The following PPP3CC variants were observed in gnomAD, a reference collection of about 807,000 sequenced individuals.
PPP3CC encodes the protein serine/threonine-protein phosphatase 2B catalytic subunit gamma isoform.
In PPP3CC, 35 loss-of-function variants were observed where a neutral mutation model predicts 60.3. The observed-to-expected ratio is 0.58, with a 90% CI of 0.44 to 0.77. PPP3CC has a LOEUF of 0.77. Ranked by LOEUF, PPP3CC falls within the 30% of genes least tolerant of loss-of-function variation. The pLI, the probability that PPP3CC is intolerant of heterozygous loss-of-function variation, is 0.00. For synonymous variants in PPP3CC, 206 were observed against 224.3 expected (o/e 0.92, Z 0.73); for missense variants, 570 against 628.9 (o/e 0.91, Z 1.00).
At chr8:22,466,771 T>C (rs955483691) in intron 1 of PPP3CC, among the ~76,000 whole-genome samples, 6 of 152,218 alleles carry the variant, frequency 3.9e-5, no homozygotes, top group Non-Finnish European at 8.8e-5. Flanking sequence ...TTTTGCTTTT[T>C]GAGATGGAGT....
At chr8:22,506,251 G>A (rs903568785) in intron 4 of PPP3CC, among the ~76,000 whole-genome samples, 1 of 140,784 alleles carries the variant, frequency 7.1e-6, no homozygotes, top group African/African-American at 2.6e-5. Flanking sequence ...TCCTGGGCAT[G>A]TAACAAGACC....
intron 12 of PPP3CC, among the ~76,000 whole-genome samples, chr8:22,538,875 C>T (rs948489488): frequency 6.6e-6 from 1 of 152,110 alleles, no homozygotes; most frequent in Non-Finnish European, 1.5e-5. Flanking sequence ...TTCAATAGTT[C>T]TATGCTTTTG....
Position 22,488,736 on chromosome 8 carries a change from G to A in PPP3CC, c.373-9265G>A, listed in dbSNP as rs896920830. 2.6e-5 allele frequency among the ~76,000 whole-genome samples: 4 copies of A among 152,216 alleles called. No individual in the cohort carries two copies. The South Asian group carries it at 6.2e-4, about 24-fold the overall frequency. ...CAGGAGCAGCTAACTTAGATGGAGT[G>A]ATCAGGGCAGGTTCTTTTGAAGAGG... On this transcript the variant is annotated intron_variant, in intron 3 of 13. Coordinates refer to ENST00000240139, the MANE Select transcript of PPP3CC (RefSeq NM_005605.5).
At chr8:22,513,813 C>A (rs1305202678) in intron 6 of PPP3CC, among the ~76,000 whole-genome samples, 1 of 152,148 alleles carries the variant, frequency 6.6e-6, no homozygotes, top group African/African-American at 2.4e-5. Flanking sequence ...TTTTCAAAAG[C>A]TCTCCAAATT....
intron 3 of PPP3CC, among the ~76,000 whole-genome samples, chr8:22,489,471 A>C (rs1015865409): frequency 1.3e-5 from 2 of 150,792 alleles, no homozygotes; most frequent in African/African-American, 4.9e-5. Flanking sequence ...AATGATTCTC[A>C]GATTGTCAAC....
intron 3 of PPP3CC, among the ~76,000 whole-genome samples, chr8:22,481,933 A>C (rs1452620437): frequency 1.3e-5 from 2 of 152,070 alleles, no homozygotes; most frequent in Non-Finnish European, 2.9e-5. Flanking sequence ...CCAGTCTATC[A>C]CTGATGGACA....
intron 3 of PPP3CC, among the ~76,000 whole-genome samples, chr8:22,493,385 A>G (rs1462672426): frequency 3.9e-5 from 6 of 152,112 alleles, no homozygotes; most frequent in African/African-American, 1.4e-4. Context: ...CCAAAAAAAA[A>G]AAAAGATTTT....
Position 22,475,171 on chromosome 8 carries a change from G to A in PPP3CC, c.247+20G>A, listed in dbSNP as rs1406502169. ...TCACAGGTATAAAAAGTCTTTGCATGATACTTTTTTACAGTATAGATTTGC... is the reference window on the plus strand; with the variant it reads ...TCACAGGTATAAAAAGTCTTTGCATAATACTTTTTTACAGTATAGATTTGC... On this transcript the variant is annotated intron_variant, in intron 2 of 13. Transcript: ENST00000240139. The A allele has an allele frequency of 6.3e-7, 1 of 1,588,768 alleles. No individual in the cohort carries two copies. Among genetic ancestry groups the A allele is most frequent in the Admixed American group, 1.7e-5 (1 of 59,282 alleles).
chr8:22,501,391 G>T (rs1490842965), intron 4 of PPP3CC, among the ~76,000 whole-genome samples: 3 of 152,334 alleles, frequency 2.0e-5, no homozygotes, highest in Admixed American at 2.0e-4. Flanking sequence ...CCAGGCCACA[G>T]TGTGGCTAGA....
chr8:22,539,326 C>T, intron 12 of PPP3CC, 143 bp from the exon 13 acceptor site: 1 of 644,190 alleles, frequency 1.6e-6, no homozygotes, highest in Non-Finnish European at 2.6e-6. Context: ...CTTCTCGCTT[C>T]TCTAACTAGT....
At chr8:22,489,651 A>ATAAGTATATATTATATG (rs1350256847) in intron 3 of PPP3CC, among the ~76,000 whole-genome samples, 2 of 64,370 alleles carry the variant, frequency 3.1e-5, no homozygotes, top group African/African-American at 1.4e-4. Context: ...ATAATATACA[A>ATAAGTATATATTATATG]TAAGTATATA....
At chr8:22,490,638 T>C (rs1038025527) in intron 3 of PPP3CC, among the ~76,000 whole-genome samples, 1 of 129,960 alleles carries the variant, frequency 7.7e-6, no homozygotes, top group African/African-American at 2.9e-5. Flanking sequence ...GAGTGTGATG[T>C]TCCCCTTCCT....
rs1374435794 is a variant in PPP3CC at position 22,528,533 on chromosome 8, A to G, written c.1097A>G (p.Asn366Ser). 4 of 1,562,952 alleles carry G rather than the reference A, an allele frequency of 2.6e-6. No homozygotes were observed. Among genetic ancestry groups the G allele is most frequent in the Admixed American group, 1.8e-5 (1 of 56,964 alleles). Residue 366 changes from asparagine (N) to serine (S), a missense_variant, in exon 10 of 14, where the codon AAC becomes AGC. By Grantham distance (46) the Asn-to-Ser change is conservative (BLOSUM62 1). Transcript: ENST00000240139. ...KVTEMLVNVL[N>S]ICSDDELISD... is the part of the protein sequence containing the mutation. Reference sequence around the variant, plus strand: ...ACAGAGATGCTGGTAAATGTGCTCAACATATGCTCTGATGACGAACTGATT... The same window carrying G: ...ACAGAGATGCTGGTAAATGTGCTCAGCATATGCTCTGATGACGAACTGATT...
chr8:22,474,198 A>G (rs1391867142), intron 1 of PPP3CC, among the ~76,000 whole-genome samples: 1 of 152,038 alleles, frequency 6.6e-6, no homozygotes, highest in Admixed American at 6.6e-5. Flanking sequence ...CCCGGCCGAG[A>G]CTTCTAAAAC....
chr8:22,532,323 T>G lies in PPP3CC; in HGVS notation c.1223+17T>G. The stretch of plus-strand genomic sequence containing the variant: ...AATTCTTCGGTAAGGATGTCTGTCA[T>G]TACAGTGCGGATTAAAGGCATTTTG... On this transcript the variant is annotated intron_variant, in intron 11 of 13. Coordinates refer to ENST00000240139, the MANE Select transcript of PPP3CC (RefSeq NM_005605.5). 1.3e-6 allele frequency: 2 copies of G among 1,590,566 alleles called. No homozygotes were observed. The highest frequency in any genetic ancestry group is 1.7e-6 in the Non-Finnish European group (2 of 1,159,764).
At chr8:22,531,297 T>G (rs1206823893) in intron 10 of PPP3CC, 5 of 1,530,884 alleles carry the variant, frequency 3.3e-6, no homozygotes. Flanking sequence ...TTCTTCTCCC[T>G]GAAGATCACT....
intron 1 of PPP3CC, among the ~76,000 whole-genome samples, chr8:22,466,127 G>T (rs1837514485): frequency 6.6e-6 from 1 of 151,836 alleles, no homozygotes; most frequent in South Asian, 2.1e-4. Context: ...TGAGAATGAT[G>T]GTTTCCAGCT....
chr8:22,535,532 C>T (rs1839825066), intron 12 of PPP3CC, among the ~76,000 whole-genome samples: 1 of 151,878 alleles, frequency 6.6e-6, no homozygotes, highest in South Asian at 2.1e-4. Context: ...ACAGAGTTGC[C>T]CAGGCTAGAA....
chr8:22,459,190 C>T (rs774522136), intron 1 of PPP3CC, among the ~76,000 whole-genome samples: 3 of 152,140 alleles, frequency 2.0e-5, no homozygotes, highest in Non-Finnish European at 4.4e-5. Context: ...CCTCCACCTA[C>T]ACCTCCCAAG....
Sources: gnomAD v4.1 joint callset for allele counts (sites outside exome capture counted in the v4.1 genomes callset) on GRCh38, gnomAD v4.1.1 for gene constraint, MANE v1.5 for transcripts, NCBI Gene and HGNC (gene_info 2026-07-23, HGNC 2026-07-21) for gene names.